The following DTNBP1 variants were observed in gnomAD, a reference collection of about 807,000 sequenced individuals.
DTNBP1 encodes the protein dystrobrevin binding protein 1, also known as dysbindin.
In DTNBP1, 35 loss-of-function variants were observed where a neutral mutation model predicts 42.8. The observed-to-expected ratio is 0.82, with a 90% CI of 0.63 to 1.09. The LOEUF (loss-of-function observed/expected upper bound fraction) is 1.09. Ranked by LOEUF, DTNBP1 falls within the 50% of genes least tolerant of loss-of-function variation. The probability of loss-of-function intolerance (pLI) is 0.00; values close to 1 mark genes in which losing one functional copy is unlikely to be tolerated. For synonymous variants in DTNBP1, 171 were observed against 162.2 expected (o/e 1.05, Z -0.41); for missense variants, 457 against 424.2 (o/e 1.08, Z -0.68).
intron 9 of DTNBP1, 104 bp from the exon 10 acceptor site, chr6:15,523,323 G>GT (rs1292789063): frequency 1.3e-5 from 19 of 1,513,286 alleles, no homozygotes; most frequent in Non-Finnish European, 1.6e-5. Context: ...GGGGGGTGTG[G>GT]TTTTTGTTCC....
At chr6:15,526,651 G>A (rs938103621) in intron 8 of DTNBP1, among the ~76,000 whole-genome samples, 1 of 152,168 alleles carries the variant, frequency 6.6e-6, no homozygotes, top group Non-Finnish European at 1.5e-5. Flanking sequence ...AAGGCTGAGT[G>A]GTCAGGGGAA....
At chr6:15,655,019 A>C (rs1418438241) in intron 1 of DTNBP1, among the ~76,000 whole-genome samples, 1 of 152,198 alleles carries the variant, frequency 6.6e-6, no homozygotes, top group African/African-American at 2.4e-5. Flanking sequence ...ATAAAGGGAG[A>C]GACAAGGCAA....
intron 6 of DTNBP1, chr6:15,595,199 G>C (rs1426686570): frequency 2.2e-6 from 1 of 449,212 alleles, no homozygotes; most frequent in East Asian, 7.2e-5. Flanking sequence ...ACTGCTTGAA[G>C]TAGTGGTGGT....
At chr6:15,548,527 G>GT (rs1049783688) in intron 7 of DTNBP1, among the ~76,000 whole-genome samples, 1 of 151,234 alleles carries the variant, frequency 6.6e-6, no homozygotes, top group African/African-American at 2.4e-5. Flanking sequence ...CAGGAAGGAC[G>GT]TTTTTTGCCA....
intron 6 of DTNBP1, among the ~76,000 whole-genome samples, chr6:15,595,007 T>C (rs1419297125): frequency 1.3e-5 from 2 of 152,172 alleles, no homozygotes; most frequent in African/African-American, 4.8e-5. Context: ...GCGGTTTTCC[T>C]GTGGACTCAT....
rs538246070 is a variant in DTNBP1 at position 15,595,494 on chromosome 6, T to C, written c.489-2413A>G. Among the ~76,000 whole-genome samples, 184 of 152,176 alleles carry C rather than the reference T, an allele frequency of 1.2e-3. 1 individual carries two copies. The South Asian group carries it at 0.017, about 14-fold the overall frequency. On this transcript the variant is annotated intron_variant, in intron 6 of 9. Transcript: ENST00000344537. ...GTTGGCCAGACTGGCCTCAAACTCC[T>C]GACCTCAGTTGATCCACCTGCCTCG...
chr6:15,626,042 T>A (rs1759321951), intron 5 of DTNBP1, among the ~76,000 whole-genome samples: 1 of 152,222 alleles, frequency 6.6e-6, no homozygotes, highest in Non-Finnish European at 1.5e-5. Flanking sequence ...CCAGGGGACT[T>A]GAAGAATACA....
intron 5 of DTNBP1, among the ~76,000 whole-genome samples, chr6:15,623,466 T>C (rs1307506486): frequency 6.6e-6 from 1 of 152,162 alleles, no homozygotes; most frequent in Non-Finnish European, 1.5e-5. Flanking sequence ...GGAAGATCGC[T>C]TGAGTCCAGG....
intron 4 of DTNBP1, among the ~76,000 whole-genome samples, chr6:15,634,232 C>T (rs1375206295): frequency 6.6e-6 from 1 of 152,124 alleles, no homozygotes; most frequent in Non-Finnish European, 1.5e-5. Context: ...CCATCTTATT[C>T]TGTTTATTCT....
In DTNBP1 at chr6:15,627,445, C is replaced by T; in HGVS notation, c.253G>A (p.Ala85Thr). 1 of 1,613,980 alleles carries T rather than the reference C, an allele frequency of 6.2e-7. No homozygotes were observed. The highest frequency in any genetic ancestry group is 1.1e-5 in the South Asian group (1 of 91,078). ...LVDSEVVMLS[A>T]HWEKKKTSLV... ...CTTGTCTTTTTCTTCTCCCAGTGCG[C>T]AGAAAGCATGACCACCTCGCTATCC... is the stretch of plus-strand genomic sequence containing the variant. Residue 85 changes from alanine (A) to threonine (T), a missense_variant, in exon 5 of 10, where the codon GCG becomes ACG. Transcript: ENST00000344537.
rs1774791225 is a variant in DTNBP1 at position 15,560,613 on chromosome 6, A to G, written c.512-27218T>C. On this transcript the variant is annotated intron_variant, in intron 7 of 9. Coordinates refer to ENST00000344537, the MANE Select transcript of DTNBP1 (RefSeq NM_032122.5). ...CTTTCAAATATAAACAGGCTTCTTTAAGGAATCAAAGTTGACTTACAGAGC... is the reference window on the plus strand; with the variant it reads ...CTTTCAAATATAAACAGGCTTCTTTGAGGAATCAAAGTTGACTTACAGAGC... 4.6e-5 allele frequency among the ~76,000 whole-genome samples: 7 copies of G among 152,324 alleles called. No individual in the cohort carries two copies. The South Asian group carries it at 1.5e-3, about 32-fold the overall frequency.
intron 1 of DTNBP1, among the ~76,000 whole-genome samples, chr6:15,661,884 T>C (rs1408660159): frequency 6.6e-6 from 1 of 152,232 alleles, no homozygotes; most frequent in African/African-American, 2.4e-5. Context: ...ACCTTTTAAG[T>C]ACCATCATTA....
chr6:15,599,975 C>A (rs932824445), intron 6 of DTNBP1, among the ~76,000 whole-genome samples: 1 of 152,072 alleles, frequency 6.6e-6, no homozygotes, highest in African/African-American at 2.4e-5. Flanking sequence ...TGCAGTCATG[C>A]CCCACCACTT....
intron 3 of DTNBP1, among the ~76,000 whole-genome samples, chr6:15,646,107 A>C (rs1760664496): frequency 6.6e-6 from 1 of 152,012 alleles, no homozygotes; most frequent in Non-Finnish European, 1.5e-5. Context: ...CAACATACAA[A>C]AGCAATGTAC....
intron 7 of DTNBP1, among the ~76,000 whole-genome samples, chr6:15,591,285 A>T (rs1776289064): frequency 6.6e-6 from 1 of 152,004 alleles, no homozygotes; most frequent in South Asian, 2.1e-4. Flanking sequence ...TTTTTAGTAG[A>T]GATGGGGTTT....
Position 15,587,423 on chromosome 6 carries a change from A to T in DTNBP1, c.511+5636T>A, listed in dbSNP as rs1290075482. On this transcript the variant is annotated intron_variant, in intron 7 of 9. Transcript: ENST00000344537. The surrounding 1 kb of genome is among the most constrained non-coding windows in gnomAD (Gnocchi z 4.1). ...AAATGATCCTAAAATTTATATGAAAAGACGAAGGACCTTAAATATTAAATA... is the reference window on the plus strand; with the variant it reads ...AAATGATCCTAAAATTTATATGAAATGACGAAGGACCTTAAATATTAAATA... Among the ~76,000 whole-genome samples, 1 of 152,206 alleles carries T rather than the reference A, an allele frequency of 6.6e-6. No homozygotes were observed. The highest frequency in any genetic ancestry group is 1.5e-5 in the Non-Finnish European group (1 of 68,032).
intron 5 of DTNBP1, among the ~76,000 whole-genome samples, chr6:15,626,884 A>C (rs1320880069): frequency 6.6e-6 from 1 of 152,130 alleles, no homozygotes; most frequent in Non-Finnish European, 1.5e-5. Flanking sequence ...CACACCCAGC[A>C]CAAGTACCCT....
chr6:15,551,852 A>G (rs1774229740), intron 7 of DTNBP1, among the ~76,000 whole-genome samples: 1 of 152,208 alleles, frequency 6.6e-6, no homozygotes, highest in South Asian at 2.1e-4. Context: ...GCAGCCTCAC[A>G]AGTACACAGG....
intron 6 of DTNBP1, among the ~76,000 whole-genome samples, chr6:15,610,528 T>A (rs915280164): frequency 1.3e-5 from 2 of 152,182 alleles, no homozygotes; most frequent in African/African-American, 2.4e-5. Context: ...ATAATCAAGC[T>A]TAGTGAGGAA....
Sources: allele counts gnomAD v4.1 joint callset (sites outside exome capture counted in the v4.1 genomes callset), GRCh38; gene constraint gnomAD v4.1.1; non-coding constraint Gnocchi (gnomAD v3.1); transcripts MANE v1.5; gene names NCBI Gene and HGNC (gene_info 2026-07-23, HGNC 2026-07-21).